The following ATRNL1 variants were observed in gnomAD, a reference collection of about 807,000 sequenced individuals.
The protein encoded by ATRNL1 is attractin like 1.
Under a neutral mutation model 182.7 loss-of-function variants are expected in ATRNL1, and 95 were observed. The ratio of observed to expected loss-of-function variants is 0.52; its 90% confidence interval spans 0.44 to 0.62. The LOEUF (loss-of-function observed/expected upper bound fraction) is 0.62. ATRNL1 is among the 20% of genes least tolerant of loss of function. The pLI is 0.00. For missense variants in ATRNL1, 1,471 were observed against 1,679.5 expected (o/e 0.88, Z 2.17); for synonymous variants, 576 against 568.3 (o/e 1.01, Z -0.19).
intron 8 of ATRNL1, among the ~76,000 whole-genome samples, chr10:115,190,953 T>G (rs1350631373): frequency 6.6e-6 from 1 of 152,162 alleles, no homozygotes; most frequent in African/African-American, 2.4e-5. Flanking sequence ...CTTCCACATG[T>G]AAGTGAGAAT....
chr10:115,108,287 TTGTC>T, intron 1 of ATRNL1, among the ~76,000 whole-genome samples: 1 of 152,306 alleles, frequency 6.6e-6, no homozygotes, highest in South Asian at 2.1e-4. Context: ...AGTGGCTACA[TTGTC>T]TGGGGTATAT....
intron 19 of ATRNL1, among the ~76,000 whole-genome samples, chr10:115,348,450 CAA>C (rs1856077230): frequency 2.0e-5 from 3 of 151,994 alleles, no homozygotes; most frequent in Non-Finnish European, 2.9e-5. Flanking sequence ...TTCATAACAT[CAA>C]TAAGTTTAGT....
chr10:115,676,172 A>C (rs1945854002), intron 26 of ATRNL1, among the ~76,000 whole-genome samples: 1 of 152,128 alleles, frequency 6.6e-6, no homozygotes, highest in African/African-American at 2.4e-5. Context: ...AACCATATAC[A>C]GTGACAATAA....
intron 19 of ATRNL1, among the ~76,000 whole-genome samples, chr10:115,350,558 CA>C (rs1270727507): frequency 1.3e-5 from 2 of 151,944 alleles, no homozygotes; most frequent in African/African-American, 4.8e-5. Context: ...ATGTTCTTGG[CA>C]CCTTCTTTGA....
At chr10:115,733,448 A>G (rs782403098) in intron 27 of ATRNL1, among the ~76,000 whole-genome samples, 6 of 152,222 alleles carry the variant, frequency 3.9e-5, no homozygotes, top group Non-Finnish European at 8.8e-5. Context: ...GCTAATTTTG[A>G]CATCACATTG....
At chr10:115,123,888 C>T (rs1554872511) in intron 3 of ATRNL1, among the ~76,000 whole-genome samples, 1 of 151,810 alleles carries the variant, frequency 6.6e-6, no homozygotes, top group East Asian at 1.9e-4. Context: ...CTAGGTTGCT[C>T]ATTCCTTATG....
intron 28 of ATRNL1, among the ~76,000 whole-genome samples, chr10:115,910,458 G>T (rs1176249599): frequency 6.6e-6 from 1 of 152,010 alleles, no homozygotes; most frequent in Non-Finnish European, 1.5e-5. Flanking sequence ...CACTATACAT[G>T]CTGCTCCAGT....
intron 26 of ATRNL1, among the ~76,000 whole-genome samples, chr10:115,555,458 A>T (rs1554996801): frequency 6.6e-6 from 1 of 151,896 alleles, no homozygotes; most frequent in African/African-American, 2.4e-5. Flanking sequence ...ATTCAAAAAG[A>T]TTCGAGAAAG....
chr10:115,115,680 C>T (rs1170914537), intron 1 of ATRNL1, among the ~76,000 whole-genome samples: 2 of 152,106 alleles, frequency 1.3e-5, no homozygotes, highest in African/African-American at 4.8e-5. Context: ...GTGGATCTGA[C>T]TATTCCTTGT....
chr10:115,752,823 A>C (rs1431132972), intron 27 of ATRNL1, among the ~76,000 whole-genome samples: 2 of 152,100 alleles, frequency 1.3e-5, no homozygotes, highest in Non-Finnish European at 1.5e-5. Context: ...ATTTATGCCT[A>C]GTATTTTAAG....
intron 19 of ATRNL1, among the ~76,000 whole-genome samples, chr10:115,371,303 C>T (rs782525319): frequency 1.4e-4 from 21 of 151,800 alleles, no homozygotes; most frequent in Non-Finnish European, 2.5e-4. Flanking sequence ...AGCCACCATC[C>T]TCCAGACCCC....
At chr10:115,307,938 TCTA>T (rs72323491) in intron 17 of ATRNL1, among the ~76,000 whole-genome samples, 98,330 of 151,462 alleles carry the variant, frequency 0.65, 32,320 homozygotes, top group East Asian at 0.82. Context: ...ATTATCGTTT[TCTA>T]CTACACGTCT....
intron 27 of ATRNL1, among the ~76,000 whole-genome samples, chr10:115,838,863 C>G (rs1436138405): frequency 1.3e-5 from 2 of 152,108 alleles, no homozygotes; most frequent in African/African-American, 2.4e-5. Context: ...TCTGGGAAAA[C>G]TCTGTAATCC....
At chr10:115,578,360 C>T (rs1309027090) in intron 26 of ATRNL1, among the ~76,000 whole-genome samples, 1 of 151,670 alleles carries the variant, frequency 6.6e-6, no homozygotes, top group Non-Finnish European at 1.5e-5. Context: ...TTGCAGAATT[C>T]TGCTGTAAAT....
chr10:115,416,697 C>T (rs1220942505), intron 20 of ATRNL1, among the ~76,000 whole-genome samples: 1 of 152,046 alleles, frequency 6.6e-6, no homozygotes, highest in Non-Finnish European at 1.5e-5. Flanking sequence ...AAAATTTCAA[C>T]CATTCCTTTG....
At chr10:115,685,259 C>T (rs1946179460) in intron 26 of ATRNL1, among the ~76,000 whole-genome samples, 1 of 151,702 alleles carries the variant, frequency 6.6e-6, no homozygotes, top group African/African-American at 2.4e-5. Flanking sequence ...TAGAACTCCT[C>T]TGTCAATTAT....
At chr10:115,935,741 G>T (rs1953537501) in intron 28 of ATRNL1, among the ~76,000 whole-genome samples, 1 of 152,222 alleles carries the variant, frequency 6.6e-6, no homozygotes, top group Admixed American at 6.5e-5. Flanking sequence ...AAAGCATTTT[G>T]TAACTCTGAA....
chr10:115,491,110 G>A (rs974133804), intron 24 of ATRNL1, among the ~76,000 whole-genome samples: 1 of 152,098 alleles, frequency 6.6e-6, no homozygotes, highest in Non-Finnish European at 1.5e-5. Flanking sequence ...AGCAAGCTTC[G>A]TTCCAGAGGG....
intron 24 of ATRNL1, among the ~76,000 whole-genome samples, chr10:115,472,303 T>C (rs1470439734): frequency 6.6e-6 from 1 of 151,032 alleles, no homozygotes; most frequent in Non-Finnish European, 1.5e-5. Flanking sequence ...GTTCTTCTTT[T>C]ATAAAATTTC....
Sources: gnomAD v4.1 joint callset for allele counts (sites outside exome capture counted in the v4.1 genomes callset) on GRCh38, gnomAD v4.1.1 for gene constraint, MANE v1.5 for transcripts, NCBI Gene and HGNC (gene_info 2026-07-23, HGNC 2026-07-21) for gene names.